Variants in GALNT13 observed in about 807,000 individuals in gnomAD.
The protein encoded by GALNT13 is UDP-GalNAc:polypeptide N-acetylgalactosaminyltransferase 13.
In GALNT13, 28 loss-of-function variants were observed where a neutral mutation model predicts 64.2. The observed-to-expected ratio is 0.44, with a 90% CI of 0.32 to 0.60. The LOEUF (loss-of-function observed/expected upper bound fraction) is 0.60. GALNT13 is among the 20% of genes least tolerant of loss of function. The pLI, the probability that GALNT13 is intolerant of heterozygous loss-of-function variation, is 0.05. For synonymous variants in GALNT13, 214 were observed against 224.6 expected, an observed-to-expected ratio of 0.95 and a Z score of 0.42; for missense variants, 577 against 669.8, an observed-to-expected ratio of 0.86 and a Z score of 1.53.
chr2:153,103,983 A>G, the GALNT13 span, among the ~76,000 whole-genome samples: 2 of 152,110 alleles, frequency 1.3e-5, no homozygotes, highest in African/African-American at 4.8e-5. Context: ...CACTATTTCT[A>G]TTTCCTACCT....
At chr2:153,092,440 A>G in the GALNT13 span, among the ~76,000 whole-genome samples, 2 of 152,150 alleles carry the variant, frequency 1.3e-5, no homozygotes, top group African/African-American at 4.8e-5. Context: ...TACTATGGAT[A>G]TTTTAACAAG....
At chr2:153,191,706 T>A in the GALNT13 span, among the ~76,000 whole-genome samples, 2 of 99,060 alleles carry the variant, frequency 2.0e-5, no homozygotes, top group Non-Finnish European at 4.6e-5. Flanking sequence ...CTTGAAAGAC[T>A]TTTTTTTTTT....
At position 154,450,490 on chromosome 2, in the gene GALNT13, A is replaced by G. The variant is rs1701834070; in HGVS notation, c.1610A>G (p.Gln537Arg). The G allele has an allele frequency of 1.2e-6, 2 of 1,612,422 alleles. No homozygotes were observed. The highest frequency in any genetic ancestry group is 1.3e-5 in the African/African-American group (1 of 74,848). ...GAAGACAAAATGGTGCCTACAATGC[A>G]GGACTGTAGTGGAAGCAGATCCCAA... ...SEEDKMVPTM[Q>R]DCSGSRSQQW... The change falls in exon 13 of 13, where the codon CAG becomes CGG. Residue 537 changes from glutamine (Q) to arginine (R), a missense_variant. Physicochemically the swap from Gln to Arg is conservative, Grantham distance 43 (BLOSUM62 1). Transcript: ENST00000392825.
chr2:153,521,753 T>C, the GALNT13 span, among the ~76,000 whole-genome samples: 1 of 152,366 alleles, frequency 6.6e-6, no homozygotes, highest in East Asian at 1.9e-4. Context: ...TCCATAGTTT[T>C]ACCTTTCCTA....
At chr2:153,909,447 CTG>C (rs1022261033) in intron 2 of GALNT13, among the ~76,000 whole-genome samples, 4 of 152,138 alleles carry the variant, frequency 2.6e-5, no homozygotes, top group African/African-American at 9.6e-5. Context: ...TGATGGATCT[CTG>C]TGGCCAGGAC....
At chr2:153,153,720 C>T in the GALNT13 span, among the ~76,000 whole-genome samples, 1 of 131,450 alleles carries the variant, frequency 7.6e-6, no homozygotes, top group Non-Finnish European at 1.6e-5. Flanking sequence ...GGTATGTGGT[C>T]TTATTTCTGG....
chr2:153,076,504 T>G, the GALNT13 span, among the ~76,000 whole-genome samples: 1 of 152,244 alleles, frequency 6.6e-6, no homozygotes, highest in African/African-American at 2.4e-5. Flanking sequence ...ATTTATGTCA[T>G]AGGGAATTTT....
At chr2:154,079,269 C>A (rs1701148512) in intron 3 of GALNT13, among the ~76,000 whole-genome samples, 1 of 151,280 alleles carries the variant, frequency 6.6e-6, no homozygotes, top group Admixed American at 6.6e-5. Context: ...TATGGGATAT[C>A]ATTAAAAAGC....
chr2:153,215,873 T>C, the GALNT13 span, among the ~76,000 whole-genome samples: 1 of 152,024 alleles, frequency 6.6e-6, no homozygotes, highest in Non-Finnish European at 1.5e-5. Flanking sequence ...CTTTGTAGTA[T>C]ACAGTTGTAT....
the GALNT13 span, among the ~76,000 whole-genome samples, chr2:153,630,956 C>T: frequency 2.0e-5 from 3 of 150,772 alleles, no homozygotes; most frequent in Admixed American, 1.3e-4. Context: ...GCTATGCCTC[C>T]CCACTCCCGC....
chr2:153,457,589 C>T, the GALNT13 span, among the ~76,000 whole-genome samples: 6 of 152,030 alleles, frequency 3.9e-5, no homozygotes, highest in African/African-American at 1.4e-4. Context: ...TGAGTAGATA[C>T]AATTTCACAT....
the GALNT13 span, among the ~76,000 whole-genome samples, chr2:153,514,526 T>G: frequency 1.6e-4 from 24 of 152,160 alleles, no homozygotes; most frequent in Non-Finnish European, 3.2e-4. Flanking sequence ...TGATTTCTGC[T>G]CCTGCAGGAG....
At chr2:154,033,321 A>G (rs990138157) in intron 3 of GALNT13, among the ~76,000 whole-genome samples, 1 of 152,078 alleles carries the variant, frequency 6.6e-6, no homozygotes, top group African/African-American at 2.4e-5. Context: ...AATATATTTA[A>G]CTTTAAGAAT....
At chr2:153,867,883 C>T (rs1685793411), upstream of GALNT13, among the ~76,000 whole-genome samples, 1 of 152,080 alleles carries the variant, frequency 6.6e-6, no homozygotes, top group African/African-American at 2.4e-5. Flanking sequence ...GTAATGTGAG[C>T]AATGAGGAGT....
intron 10 of GALNT13, among the ~76,000 whole-genome samples, chr2:154,407,784 G>A (rs1322389615): frequency 6.6e-6 from 1 of 151,980 alleles, no homozygotes; most frequent in African/African-American, 2.4e-5. Flanking sequence ...TTTACCAAAT[G>A]GGAATTCTGA....
chr2:153,635,419 C>CATGTATATGTATATATATATACAT, the GALNT13 span, among the ~76,000 whole-genome samples: 1 of 120,976 alleles, frequency 8.3e-6, no homozygotes, highest in Non-Finnish European at 1.8e-5. Context: ...TATATATACA[C>CATGTATATGTATATATATATACAT]ATATATATGT....
At chr2:153,694,622 A>G in the GALNT13 span, among the ~76,000 whole-genome samples, 1 of 152,214 alleles carries the variant, frequency 6.6e-6, no homozygotes, top group Non-Finnish European at 1.5e-5. Flanking sequence ...ATAGAATGAT[A>G]CATGAGAAAA....
At chr2:153,188,030 C>T in the GALNT13 span, among the ~76,000 whole-genome samples, 1 of 151,374 alleles carries the variant, frequency 6.6e-6, no homozygotes, top group Non-Finnish European at 1.5e-5. Context: ...TAAAATATCA[C>T]CAAAATGGTA....
At chr2:154,401,511 C>G (rs1398920400) in intron 10 of GALNT13, among the ~76,000 whole-genome samples, 1 of 152,080 alleles carries the variant, frequency 6.6e-6, no homozygotes, top group Non-Finnish European at 1.5e-5. Flanking sequence ...GAATATGTCA[C>G]CCTTTATTGG....
Sources: gnomAD v4.1 joint callset for allele counts (sites outside exome capture counted in the v4.1 genomes callset) on GRCh38, gnomAD v4.1.1 for gene constraint, MANE v1.5 for transcripts, NCBI Gene and HGNC (gene_info 2026-07-23, HGNC 2026-07-21) for gene names.